The following MIPEP variants were observed in gnomAD, a reference collection of about 807,000 sequenced individuals.
MIPEP encodes the protein mitochondrial intermediate peptidase.
Under a neutral mutation model 90.3 loss-of-function variants are expected in MIPEP, and 79 were observed. The ratio of observed to expected loss-of-function variants is 0.87; its 90% CI spans 0.73 to 1.05. MIPEP has a LOEUF of 1.05. Ranked by LOEUF, MIPEP falls within the 50% of genes least tolerant of loss-of-function variation. The pLI, the probability that MIPEP is intolerant of heterozygous loss-of-function variation, is 0.00. For missense variants in MIPEP, 940 were observed against 905.6 expected (o/e 1.04, Z -0.49); for synonymous variants, 334 against 315.8 (o/e 1.06, Z -0.61).
chr13:23,835,383 C>T (rs1026148488), intron 14 of MIPEP, among the ~76,000 whole-genome samples: 2 of 152,038 alleles, frequency 1.3e-5, no homozygotes, highest in African/African-American at 2.4e-5. Context: ...AATAATATTA[C>T]ACATCTGGAG....
chr13:23,864,471 C>A (rs1870440163), intron 7 of MIPEP, among the ~76,000 whole-genome samples: 1 of 152,084 alleles, frequency 6.6e-6, no homozygotes, highest in Admixed American at 6.6e-5. Context: ...GTGGCTCATG[C>A]CTGTAATCCT....
chr13:23,848,291 C>T (rs574664621), intron 10 of MIPEP, among the ~76,000 whole-genome samples: 4 of 152,254 alleles, frequency 2.6e-5, no homozygotes, highest in East Asian at 1.9e-4. Context: ...CTAAACCCAG[C>T]GGTTTCTACT....
At chr13:23,756,744 C>T (rs1324744317) in intron 17 of MIPEP, 126 bp from the exon 18 acceptor site, 1 of 843,704 alleles carries the variant, frequency 1.2e-6, no homozygotes, top group Non-Finnish European at 1.8e-6. Flanking sequence ...GACAATTTGG[C>T]CCCTATTTTC....
intron 9 of MIPEP, among the ~76,000 whole-genome samples, chr13:23,861,671 C>A (rs1401223654): frequency 6.6e-6 from 1 of 152,152 alleles, no homozygotes; most frequent in Non-Finnish European, 1.5e-5. Flanking sequence ...ACAACCCCGG[C>A]AATCCTGTAG....
chr13:23,833,847 T>G (rs901907466), intron 14 of MIPEP, among the ~76,000 whole-genome samples: 2 of 152,066 alleles, frequency 1.3e-5, no homozygotes, highest in African/African-American at 2.4e-5. Flanking sequence ...TCCGCAGCCC[T>G]GCACCACGCG....
intron 18 of MIPEP, among the ~76,000 whole-genome samples, chr13:23,739,307 A>C (rs1952299696): frequency 6.6e-6 from 1 of 152,244 alleles, no homozygotes; most frequent in Non-Finnish European, 1.5e-5. Flanking sequence ...TTGCTCAAGA[A>C]GTCTCCCAGA....
At chr13:23,824,962 C>A (rs1953348941) in intron 14 of MIPEP, among the ~76,000 whole-genome samples, 1 of 152,232 alleles carries the variant, frequency 6.6e-6, no homozygotes, top group African/African-American at 2.4e-5. Context: ...GATAGGGATC[C>A]AACTTCCATT....
chr13:23,739,571 G>C (rs2138486550), intron 18 of MIPEP, among the ~76,000 whole-genome samples: 1 of 152,332 alleles, frequency 6.6e-6, no homozygotes, highest in Non-Finnish European at 1.5e-5. Context: ...AGTTGGTAGA[G>C]GACTGGTCAT....
chr13:23,800,067 G>A (rs1319029152), intron 16 of MIPEP, among the ~76,000 whole-genome samples: 3 of 152,176 alleles, frequency 2.0e-5, no homozygotes, highest in South Asian at 2.1e-4. Flanking sequence ...CAGCTGTGCT[G>A]GAGACACAGC....
chr13:23,806,609 C>T (rs757528757), intron 15 of MIPEP, among the ~76,000 whole-genome samples: 6 of 151,494 alleles, frequency 4.0e-5, no homozygotes, highest in Non-Finnish European at 7.4e-5. Context: ...ACCTGGGAGG[C>T]GGAGCTCGCA....
chr13:23,738,614 GT>G (rs67929968), intron 18 of MIPEP, among the ~76,000 whole-genome samples: 3,705 of 143,038 alleles, frequency 0.026, 164 homozygotes, highest in African/African-American at 0.087. Context: ...CGCCCAGCTA[GT>G]TTTTTTTTTT....
chr13:23,759,368 G>A (rs1035896947), intron 17 of MIPEP, among the ~76,000 whole-genome samples: 1 of 150,466 alleles, frequency 6.6e-6, no homozygotes, highest in African/African-American at 2.5e-5. Context: ...CAGACAGCAC[G>A]GGATACCCCA....
At chr13:23,846,085 T>C (rs1263620303) in intron 10 of MIPEP, among the ~76,000 whole-genome samples, 1 of 152,154 alleles carries the variant, frequency 6.6e-6, no homozygotes, top group Admixed American at 6.5e-5. Context: ...AAAATAAACA[T>C]TTATTTATTG....
In MIPEP at chr13:23,809,841, C is replaced by T; in HGVS notation, c.1728+9G>A. 1 of 1,590,274 alleles carries T rather than the reference C, an allele frequency of 6.3e-7. No homozygotes were observed. The highest frequency in any genetic ancestry group is 8.6e-7 in the Non-Finnish European group (1 of 1,159,222). Reference sequence around the variant, plus strand: ...TCCGGAAAACTTCAGAACAAAGGTACATACATACCTGAAGTTGCATATCAG... The same window carrying T: ...TCCGGAAAACTTCAGAACAAAGGTATATACATACCTGAAGTTGCATATCAG... On this transcript the variant is annotated intron_variant, in intron 15 of 18. Coordinates refer to ENST00000382172, the MANE Select transcript of MIPEP (RefSeq NM_005932.4).
chr13:23,850,918 T>C (rs1344069768), intron 10 of MIPEP, among the ~76,000 whole-genome samples: 2 of 152,198 alleles, frequency 1.3e-5, no homozygotes, highest in East Asian at 1.9e-4. Context: ...AGGTTAGCCC[T>C]GGAACAGGGA....
In MIPEP at chr13:23,841,437, G is replaced by T; in HGVS notation, c.1158C>A (p.Cys386Ter). The part of the protein sequence containing the change: ...LYCPFFSLGA[C>*]MEGLNILLNR... Reference sequence around the variant, plus strand: ...TAAGCAAAATATTCAGGCCTTCCATGCATGCTCCAAGAGAGAAAAACGGGC... The same window carrying T: ...TAAGCAAAATATTCAGGCCTTCCATTCATGCTCCAAGAGAGAAAAACGGGC... The change falls in exon 11 of 19, where the codon TGC (cysteine) becomes TGA (stop). Residue 386 changes from cysteine (C) to a stop codon, truncating the protein, a stop_gained. Coordinates refer to ENST00000382172, the MANE Select transcript of MIPEP (RefSeq NM_005932.4). LOFTEE classifies it high-confidence loss of function. The T allele has an allele frequency of 6.2e-7, 1 of 1,614,042 alleles. No homozygotes were observed. The highest frequency in any genetic ancestry group is 8.5e-7 in the Non-Finnish European group (1 of 1,179,992).
At position 23,829,252 on chromosome 13, in the gene MIPEP, C is replaced by A. The variant is rs188852861; in HGVS notation, c.1653+6988G>T. Among the ~76,000 whole-genome samples, 1,156 of 152,218 alleles carry A rather than the reference C, an allele frequency of 7.6e-3. 10 individuals are homozygous for A. Among genetic ancestry groups the A allele is most frequent in the African/African-American group, 0.026 (1,070 of 41,538 alleles). Reference sequence around the variant, plus strand: ...TGAAGAGGCTGGGTATGGTGGCTCACGCCTGTAATCCCAAAACTTTGGGAG... The same window carrying A: ...TGAAGAGGCTGGGTATGGTGGCTCAAGCCTGTAATCCCAAAACTTTGGGAG... On this transcript the variant is annotated intron_variant, in intron 14 of 18. Transcript: ENST00000382172.
intron 14 of MIPEP, among the ~76,000 whole-genome samples, chr13:23,810,742 C>T (rs377538240): frequency 3.9e-5 from 6 of 152,194 alleles, no homozygotes; most frequent in East Asian, 1.9e-4. Context: ...TGAATGAGAA[C>T]GTGGGCTGTC....
intron 10 of MIPEP, among the ~76,000 whole-genome samples, chr13:23,844,347 T>C (rs1454015130): frequency 1.3e-5 from 2 of 152,138 alleles, no homozygotes; most frequent in African/African-American, 4.8e-5. Flanking sequence ...CTCCTGCACA[T>C]GAGGAGGTTG....
Sources: gnomAD v4.1 joint callset for allele counts (sites outside exome capture counted in the v4.1 genomes callset) on GRCh38, gnomAD v4.1.1 for gene constraint, MANE v1.5 for transcripts, NCBI Gene and HGNC (gene_info 2026-07-23, HGNC 2026-07-21) for gene names.